Variants in GALNT11 observed in about 807,000 individuals in gnomAD.
The protein encoded by GALNT11 is polypeptide N-acetylgalactosaminyltransferase 11.
In GALNT11, 47 loss-of-function variants were observed where a neutral mutation model predicts 72.7. That is an observed-to-expected ratio of 0.65 (90% CI 0.51 to 0.82). The LOEUF is 0.82. Ranked by LOEUF, GALNT11 falls within the 40% of genes least tolerant of loss-of-function variation. The probability of loss-of-function intolerance (pLI) is 0.00; values close to 1 mark genes in which losing one functional copy is unlikely to be tolerated. For missense variants in GALNT11, 677 were observed against 778.4 expected (o/e 0.87, Z 1.55); for synonymous variants, 270 against 286.6 (o/e 0.94, Z 0.58).
intron 3 of GALNT11, among the ~76,000 whole-genome samples, chr7:152,101,649 G>GGT (rs2086911205): frequency 2.7e-5 from 4 of 146,638 alleles, no homozygotes; most frequent in African/African-American, 9.9e-5. Context: ...TTTTGGGGGG[G>GGT]GGGGGATGGA....
chr7:152,046,706 G>A (rs774851872), intron 1 of GALNT11, among the ~76,000 whole-genome samples: 5 of 152,012 alleles, frequency 3.3e-5, no homozygotes, highest in Non-Finnish European at 7.4e-5. Flanking sequence ...TATGTTTCTT[G>A]TAGGCAACAG....
chr7:152,116,128 T>C (rs988975311), intron 8 of GALNT11, among the ~76,000 whole-genome samples: 3 of 152,234 alleles, frequency 2.0e-5, no homozygotes, highest in African/African-American at 4.8e-5. Context: ...AATTTTTCAA[T>C]ATTTGGTAGA....
chr7:152,086,565 A>C (rs865958228), intron 1 of GALNT11, among the ~76,000 whole-genome samples: 3 of 152,328 alleles, frequency 2.0e-5, no homozygotes, highest in African/African-American at 7.2e-5. Context: ...GAAACCAAGG[A>C]ATCATGATGT....
At chr7:152,095,272 G>A (rs1160514223) in intron 2 of GALNT11, among the ~76,000 whole-genome samples, 1 of 151,560 alleles carries the variant, frequency 6.6e-6, no homozygotes, top group Admixed American at 6.6e-5. Flanking sequence ...CAATTTTAGA[G>A]TGTTGATTTT....
At chr7:152,044,220 G>A (rs1167562606) in intron 1 of GALNT11, among the ~76,000 whole-genome samples, 1 of 152,210 alleles carries the variant, frequency 6.6e-6, no homozygotes, top group Non-Finnish European at 1.5e-5. Context: ...GCAGTCATAA[G>A]ATTTACTGTA....
chr7:152,078,026 T>C (rs2085085125), intron 1 of GALNT11, among the ~76,000 whole-genome samples: 1 of 151,194 alleles, frequency 6.6e-6, no homozygotes, highest in Non-Finnish European at 1.5e-5. Flanking sequence ...ATTCAGCAGA[T>C]TAGATACTGC....
At chr7:152,119,633 G>C (rs1437429217) in intron 10 of GALNT11, 1 of 152,174 alleles carries the variant, frequency 6.6e-6, no homozygotes, top group Non-Finnish European at 1.5e-5. Context: ...CCAGCACTTT[G>C]GGAGGATGAG....
At chr7:152,098,897 A>G (rs2086565249) in intron 2 of GALNT11, among the ~76,000 whole-genome samples, 1 of 152,360 alleles carries the variant, frequency 6.6e-6, no homozygotes, top group East Asian at 1.9e-4. Context: ...ATGTTTCTCA[A>G]AGTAGATATG....
intron 1 of GALNT11, among the ~76,000 whole-genome samples, chr7:152,087,035 AT>A (rs2085691884): frequency 6.6e-6 from 1 of 151,262 alleles, no homozygotes; most frequent in Non-Finnish European, 1.5e-5. Context: ...AATTTTTTTC[AT>A]TTATTAACAA....
At position 152,100,818 on chromosome 7, in the gene GALNT11, G is replaced by C; in HGVS notation, c.316G>C (p.Asp106His). ...TGCAGGTATGATTTTTAATGAACGC[G>C]ATCAAGAGTTGAGAGACTTGGGCTA... ...SELGMIFNER[D>H]QELRDLGYQK... The change falls in exon 3 of 12, where the codon GAT becomes CAT. Residue 106 changes from aspartate to histidine, a missense_variant. Transcript: ENST00000430044. 1 of 1,613,690 alleles carries C rather than the reference G, an allele frequency of 6.2e-7. No homozygotes were observed.
At chr7:152,112,717 A>G (rs923579008) in intron 7 of GALNT11, among the ~76,000 whole-genome samples, 1 of 152,110 alleles carries the variant, frequency 6.6e-6, no homozygotes, top group Non-Finnish European at 1.5e-5. Context: ...AAAGTAATTC[A>G]GATAGTCAAG....
chr7:152,092,064 C>T (rs966086844), intron 1 of GALNT11, among the ~76,000 whole-genome samples: 2 of 152,138 alleles, frequency 1.3e-5, no homozygotes, highest in African/African-American at 4.8e-5. Flanking sequence ...GGTTGGCTCC[C>T]TAGGTGCCTG....
chr7:152,078,906 G>A (rs1414713929), intron 1 of GALNT11, among the ~76,000 whole-genome samples: 1 of 152,172 alleles, frequency 6.6e-6, no homozygotes, highest in Non-Finnish European at 1.5e-5. Flanking sequence ...TATAATGCAG[G>A]AATTTCAGCA....
At chr7:152,066,224 G>A (rs1200974801) in intron 1 of GALNT11, among the ~76,000 whole-genome samples, 1 of 152,178 alleles carries the variant, frequency 6.6e-6, no homozygotes, top group Non-Finnish European at 1.5e-5. Context: ...CGTGGGCGTG[G>A]GACCCTCCGA....
At chr7:152,104,182 A>T (rs1343664763) in intron 4 of GALNT11, 1 of 152,266 alleles carries the variant, frequency 6.6e-6, no homozygotes, top group Non-Finnish European at 1.5e-5. Flanking sequence ...AGGGAGAAAT[A>T]TAAAAAGTAA....
chr7:152,033,473 C>G (rs938612255), intron 1 of GALNT11, among the ~76,000 whole-genome samples: 2 of 152,128 alleles, frequency 1.3e-5, no homozygotes, highest in Non-Finnish European at 2.9e-5. Context: ...AGATTTTGTT[C>G]AGGGCCCAGG....
chr7:152,026,515 T>C (rs962277461), intron 1 of GALNT11, among the ~76,000 whole-genome samples: 3 of 152,240 alleles, frequency 2.0e-5, no homozygotes. Flanking sequence ...AATTGACAGC[T>C]TGTCTTCGCA....
intron 3 of GALNT11, 83 bp from the exon 4 acceptor site, chr7:152,103,029 G>A: frequency 1.1e-5 from 14 of 1,282,078 alleles, no homozygotes; most frequent in Non-Finnish European, 1.4e-5. Flanking sequence ...TGAACAAGGG[G>A]ACAGTAAATC....
At chr7:152,091,377 A>AT (rs1223423804) in intron 1 of GALNT11, among the ~76,000 whole-genome samples, 2 of 151,962 alleles carry the variant, frequency 1.3e-5, no homozygotes, top group Non-Finnish European at 2.9e-5. Context: ...AGTAGCTGGA[A>AT]TTACAGGTGT....
Sources: gnomAD v4.1 joint callset for allele counts (sites outside exome capture counted in the v4.1 genomes callset) on GRCh38, gnomAD v4.1.1 for gene constraint, MANE v1.5 for transcripts, NCBI Gene and HGNC (gene_info 2026-07-23, HGNC 2026-07-21) for gene names.